Variants in SLC13A3 observed in about 807,000 individuals in gnomAD.
SLC13A3 encodes the protein Na(+)/dicarboxylate cotransporter 3.
In SLC13A3, 40 loss-of-function variants were observed where a neutral mutation model predicts 59.0. The observed-to-expected ratio is 0.68, with a 90% CI of 0.53 to 0.88. The LOEUF is 0.88. Ranked by LOEUF, SLC13A3 falls within the 40% of genes least tolerant of loss-of-function variation. The pLI, the probability that SLC13A3 is intolerant of heterozygous loss-of-function variation, is 0.00. For synonymous variants in SLC13A3, 317 were observed against 330.3 expected (o/e 0.96, Z 0.44); for missense variants, 699 against 783.2 (o/e 0.89, Z 1.28).
chr20:46,636,962 G>A (rs1421167006), intron 1 of SLC13A3, among the ~76,000 whole-genome samples: 1 of 151,998 alleles, frequency 6.6e-6, no homozygotes, highest in Non-Finnish European at 1.5e-5. Context: ...CACCACGCCT[G>A]GCTAATTTTT....
upstream of SLC13A3, among the ~76,000 whole-genome samples, chr20:46,671,258 A>G (rs1351289133): frequency 6.6e-6 from 1 of 152,130 alleles, no homozygotes; most frequent in East Asian, 1.9e-4. Flanking sequence ...CCTCACCCCA[A>G]TTTGGGACAA....
At chr20:46,584,000 C>A (rs1034425987) in intron 8 of SLC13A3, 1 of 985,314 alleles carries the variant, frequency 1.0e-6, no homozygotes. Flanking sequence ...TATAAATCAC[C>A]CTCACCGGGA....
chr20:46,663,856 G>C (rs992612608), intron 1 of SLC13A3, among the ~76,000 whole-genome samples: 1 of 152,150 alleles, frequency 6.6e-6, no homozygotes, highest in Non-Finnish European at 1.5e-5. Flanking sequence ...GTGTTTATTA[G>C]ATCTGGGCAA....
intron 1 of SLC13A3, among the ~76,000 whole-genome samples, chr20:46,634,938 A>G (rs2062781336): frequency 6.6e-6 from 1 of 151,964 alleles, no homozygotes; most frequent in Non-Finnish European, 1.5e-5. Context: ...TTCCCCTGTC[A>G]TCCTCTCCCG....
At chr20:46,617,272 A>C (rs1269931293) in intron 1 of SLC13A3, among the ~76,000 whole-genome samples, 2 of 152,210 alleles carry the variant, frequency 1.3e-5, no homozygotes, top group African/African-American at 4.8e-5. Context: ...CTGGGCTGGA[A>C]GCTGGTACAA....
At chr20:46,684,070 A>T (rs1295758999) in intron 1 of SLC13A3, among the ~76,000 whole-genome samples, 1 of 151,914 alleles carries the variant, frequency 6.6e-6, no homozygotes, top group East Asian at 1.9e-4. Context: ...CTCCCATCTC[A>T]TGTTCTGCTC....
At chr20:46,644,621 G>C (rs544359057) in intron 1 of SLC13A3, among the ~76,000 whole-genome samples, 2 of 152,176 alleles carry the variant, frequency 1.3e-5, no homozygotes, top group Non-Finnish European at 2.9e-5. Context: ...TTTCAGCTGG[G>C]GAACTGGGTT....
chr20:46,654,343 C>T (rs949603694), upstream of SLC13A3, among the ~76,000 whole-genome samples: 3 of 152,158 alleles, frequency 2.0e-5, no homozygotes, highest in Non-Finnish European at 4.4e-5. Flanking sequence ...CTAGGTATTA[C>T]ATTGCATGTA....
intron 3 of SLC13A3, among the ~76,000 whole-genome samples, chr20:46,603,990 CAAAAAA>C (rs532575671): frequency 1.5e-5 from 1 of 64,538 alleles, no homozygotes; most frequent in Non-Finnish European, 3.2e-5. Flanking sequence ...GACGCCATCT[CAAAAAA>C]AAAAAAAAAA....
chr20:46,661,392 G>A lies in SLC13A3; in HGVS notation c.-31+8651C>T, dbSNP rs1042122700. On this transcript the variant is annotated intron_variant, in intron 1 of 12. Coordinates refer to the SLC13A3 transcript ENST00000290317. ...TGAACTGGATTTCAGCTTTGGTGCA[G>A]TTTTAGATTGTTTCAGTTCATCACT... 8.5e-5 allele frequency among the ~76,000 whole-genome samples: 13 copies of A among 152,198 alleles called. 1 individual carries two copies. The highest frequency in any genetic ancestry group is 7.2e-4 in the Admixed American group (11 of 15,270).
At chr20:46,675,084 G>C (rs117041214), upstream of SLC13A3, among the ~76,000 whole-genome samples, 1 of 151,972 alleles carries the variant, frequency 6.6e-6, no homozygotes, top group African/African-American at 2.4e-5. Flanking sequence ...TGAGATGTGC[G>C]CAAGGCTGGC....
In SLC13A3 at chr20:46,563,632, G is replaced by GAGAGAGAA. The variant is rs1600490712; in HGVS notation, c.1495-82_1495-81insTTCTCTCT. On this transcript the variant is annotated intron_variant, in intron 11 of 12. Coordinates refer to ENST00000279027, the MANE Select transcript of SLC13A3 (RefSeq NM_022829.6). ...AGCAAGAGGGAGAGAGAGAGAGAGAGGCAGTTGGAAAGAGGGACACAAAGA... is the reference window on the plus strand; with the variant it reads ...AGCAAGAGGGAGAGAGAGAGAGAGAGAGAGAGAAGCAGTTGGAAAGAGGGACACAAAGA... 3.4e-6 allele frequency: 5 copies of GAGAGAGAA among 1,455,540 alleles called. No homozygotes were observed. In the South Asian group the frequency reaches 4.0e-5, roughly 12 times the overall value. The allele number at this position is 1,455,540 out of a possible 1,614,324, so 90.2% of individuals were successfully genotyped here.
rs938426995 is a variant in SLC13A3, at chr20:46,561,650, GT to G, written c.1633-1453del. 1.6e-4 allele frequency among the ~76,000 whole-genome samples: 22 copies of G among 138,748 alleles called. No individual in the cohort carries two copies. In the Middle Eastern group the frequency reaches 0.011, roughly 68 times the overall value. 91.0% of individuals were successfully genotyped at this position (138,748 alleles called of 152,430 possible). A position where few individuals can be genotyped will look rare whatever the true frequency, so the allele number is the denominator to read the frequency against. On this transcript the variant is annotated intron_variant, in intron 12 of 12. Transcript: ENST00000279027. Reference sequence around the variant, plus strand: ...TTTCTTCTGGAATATTCTTATTCAAGTTTTTTTTTGTTTTTTTTTTTTAATG... The same window carrying G: ...TTTCTTCTGGAATATTCTTATTCAAGTTTTTTTTGTTTTTTTTTTTTAATG...
At chr20:46,681,045 T>C (rs901348120) in intron 1 of SLC13A3, among the ~76,000 whole-genome samples, 3 of 152,104 alleles carry the variant, frequency 2.0e-5, no homozygotes, top group African/African-American at 7.2e-5. Context: ...TGTTCTGGCT[T>C]TAAAAGGGTC....
At chr20:46,612,931 G>T (rs996932192) in intron 2 of SLC13A3, among the ~76,000 whole-genome samples, 1 of 152,034 alleles carries the variant, frequency 6.6e-6, no homozygotes, top group African/African-American at 2.4e-5. Flanking sequence ...TCATCATCTA[G>T]GCAGGTAAAT....
At chr20:46,671,961 T>C (rs1028368865), upstream of SLC13A3, among the ~76,000 whole-genome samples, 1 of 152,184 alleles carries the variant, frequency 6.6e-6, no homozygotes, top group Non-Finnish European at 1.5e-5. Context: ...GGCTTTTTCA[T>C]AGTCATCCAA....
chr20:46,618,803 T>C (rs1025355839), intron 1 of SLC13A3, among the ~76,000 whole-genome samples: 1 of 152,198 alleles, frequency 6.6e-6, no homozygotes, highest in African/African-American at 2.4e-5. Flanking sequence ...CGTCTCTCGC[T>C]TCAGTGCCCA....
intron 1 of SLC13A3, among the ~76,000 whole-genome samples, chr20:46,622,013 C>T (rs1043559472): frequency 1.3e-5 from 2 of 152,148 alleles, no homozygotes; most frequent in African/African-American, 4.8e-5. Context: ...TGCAAAGGTT[C>T]ATCCATTCAA....
intron 10 of SLC13A3, 55 bp from the exon 11 acceptor site, chr20:46,566,445 C>G (rs780551146): frequency 6.9e-5 from 108 of 1,573,828 alleles, no homozygotes; most frequent in Admixed American, 1.6e-4. Context: ...CTGCCGCCCC[C>G]CAGAGAGGGT....
Sources: gnomAD v4.1 joint callset for allele counts (sites outside exome capture counted in the v4.1 genomes callset) on GRCh38, gnomAD v4.1.1 for gene constraint, MANE v1.5 for transcripts, NCBI Gene and HGNC (gene_info 2026-07-23, HGNC 2026-07-21) for gene names.